Variants in PHIP observed in about 807,000 individuals in gnomAD.
PHIP encodes the protein PH-interacting protein.
In PHIP, 54 loss-of-function variants were observed where a neutral mutation model predicts 236.8. The observed-to-expected ratio is 0.23, with a 90% CI of 0.18 to 0.29. The LOEUF (loss-of-function observed/expected upper bound fraction) is 0.29. PHIP is among the 10% of genes least tolerant of loss of function. The probability of loss-of-function intolerance (pLI) is 1.00; values close to 1 mark genes in which losing one functional copy is unlikely to be tolerated. For missense variants in PHIP, 1,370 were observed against 2,190.8 expected (o/e 0.63, Z 7.48); for synonymous variants, 756 against 718.9 (o/e 1.05, Z -0.83).
chr6:79,075,787 G>C (rs1774127207), intron 4 of PHIP, among the ~76,000 whole-genome samples: 1 of 152,086 alleles, frequency 6.6e-6, no homozygotes, highest in South Asian at 2.1e-4. Context: ...AGGTTTGTGG[G>C]TTTTTAAGAG....
chr6:78,946,025 C>G lies in PHIP; in HGVS notation c.4606G>C (p.Ala1536Pro). The part of the protein sequence containing the change: ...AAKTFITKAN[A>P]SAIPGKTILE... Reference sequence around the variant, plus strand: ...CTTGTTTTCCCTGGTATTGCAGATGCATTAGCTTTTGTAATAAAAGTCTTT... The same window carrying G: ...CTTGTTTTCCCTGGTATTGCAGATGGATTAGCTTTTGTAATAAAAGTCTTT... The change falls in exon 38 of 40, where the codon GCA (alanine) becomes CCA (proline). Residue 1536 changes from alanine to proline, a missense_variant. Physicochemically the swap from Ala to Pro is conservative, Grantham distance 27. This residue lies in a region of PHIP where 309 missense variants were observed against 328.3 expected (regional missense o/e 0.94). Transcript: ENST00000275034. The G allele has an allele frequency of 1.9e-6, 3 of 1,609,662 alleles. No homozygotes were observed. Among genetic ancestry groups the G allele is most frequent in the Non-Finnish European group, 2.6e-6 (3 of 1,175,982 alleles).
intron 36 of PHIP, 146 bp downstream of exon 36, chr6:78,947,477 G>A (rs926045799): frequency 2.2e-5 from 12 of 534,940 alleles, no homozygotes; most frequent in Non-Finnish European, 3.6e-5. Flanking sequence ...GAGTAGAAAG[G>A]TATAATTTCT....
At chr6:78,984,659 C>T (rs1432777782) in intron 22 of PHIP, among the ~76,000 whole-genome samples, 1 of 152,162 alleles carries the variant, frequency 6.6e-6, no homozygotes, top group Non-Finnish European at 1.5e-5. Flanking sequence ...TAACCACACA[C>T]ATTTGCACAT....
chr6:78,998,807 T>C (rs1769799688), intron 17 of PHIP, among the ~76,000 whole-genome samples: 1 of 151,930 alleles, frequency 6.6e-6, no homozygotes, highest in South Asian at 2.1e-4. Flanking sequence ...CCCATTTTCT[T>C]AAAAAAAATG....
At chr6:79,017,629 A>C in intron 10 of PHIP, 46 bp from the exon 11 acceptor site, 1 of 1,312,604 alleles carries the variant, frequency 7.6e-7, no homozygotes, top group Middle Eastern at 1.9e-4. Flanking sequence ...CATAACTTCA[A>C]AATCTCTGAA....
intron 30 of PHIP, 87 bp from the exon 31 acceptor site, chr6:78,961,897 G>T: frequency 9.9e-7 from 1 of 1,014,896 alleles, no homozygotes; most frequent in Non-Finnish European, 1.4e-6. Flanking sequence ...GACTTAAAAA[G>T]TCCTAATCTA....
chr6:79,073,495 A>C (rs1437503374), intron 4 of PHIP, among the ~76,000 whole-genome samples: 1 of 152,194 alleles, frequency 6.6e-6, no homozygotes, highest in Non-Finnish European at 1.5e-5. Flanking sequence ...AAATTATAAT[A>C]ATCAAGTGTT....
chr6:79,011,663 G>A (rs1770583985), intron 15 of PHIP, among the ~76,000 whole-genome samples: 1 of 151,750 alleles, frequency 6.6e-6, no homozygotes, highest in Non-Finnish European at 1.5e-5. Context: ...TAGGAGGAAA[G>A]TTAGCAGTAA....
In PHIP at chr6:78,940,508, AT is replaced by A. The variant is rs1773433349; in HGVS notation, c.*184del. 1 of 157,354 alleles carries A rather than the reference AT, an allele frequency of 6.4e-6. No individual in the cohort carries two copies. The highest frequency in any genetic ancestry group is 2.6e-5 in the African/African-American group (1 of 38,080). 9.7% of individuals were successfully genotyped at this position (157,354 alleles called of 1,614,324 possible). A position where few individuals can be genotyped will look rare whatever the true frequency, so the allele number is the denominator to read the frequency against. ...TATATGTATATATTTATATATATAT[AT>A]ATATATTCATTTAAAGAAGTGAAGT... On this transcript the variant is annotated 3_prime_UTR_variant, in exon 40 of 40. Coordinates refer to ENST00000275034, the MANE Select transcript of PHIP (RefSeq NM_017934.7).
chr6:79,030,908 CA>C (rs1253443664), intron 7 of PHIP, among the ~76,000 whole-genome samples: 2 of 151,864 alleles, frequency 1.3e-5, no homozygotes, highest in Middle Eastern at 3.2e-3. Flanking sequence ...AGTAGTAAAT[CA>C]CTTGTTTCAT....
At chr6:78,972,769 A>G (rs925349672) in intron 24 of PHIP, among the ~76,000 whole-genome samples, 2 of 152,192 alleles carry the variant, frequency 1.3e-5, no homozygotes, top group African/African-American at 2.4e-5. Flanking sequence ...ACTGGAAGAA[A>G]GGGTATCAGC....
At position 78,947,815 on chromosome 6, in the gene PHIP, C is replaced by G. The variant is rs375775755; in HGVS notation, c.4054-40G>C. ...ACAGGTGGTGTTATGATTATTACTA[C>G]ACAAAGCATCACTTCTCAGTGCAGG... On this transcript the variant is annotated intron_variant, in intron 35 of 39. Coordinates refer to ENST00000275034, the MANE Select transcript of PHIP (RefSeq NM_017934.7). The G allele has an allele frequency of 2.9e-5, 40 of 1,400,696 alleles. No homozygotes were observed. In the Middle Eastern group the frequency reaches 5.3e-4, roughly 19 times the overall value. The allele number at this position is 1,400,696 out of a possible 1,614,324, so 86.8% of individuals were successfully genotyped here.
chr6:79,001,023 T>C (rs1769958377), intron 17 of PHIP, among the ~76,000 whole-genome samples: 1 of 152,082 alleles, frequency 6.6e-6, no homozygotes, highest in Non-Finnish European at 1.5e-5. Flanking sequence ...TTTTCTGTGC[T>C]CCTTACAGAA....
intron 35 of PHIP, among the ~76,000 whole-genome samples, chr6:78,948,753 C>A (rs1773971978): frequency 6.6e-6 from 1 of 152,174 alleles, no homozygotes; most frequent in South Asian, 2.1e-4. Context: ...CTTGACCTCC[C>A]AAAGTGCTGG....
chr6:79,021,274 G>A (rs904014214), intron 9 of PHIP, among the ~76,000 whole-genome samples: 1 of 152,194 alleles, frequency 6.6e-6, no homozygotes, highest in Non-Finnish European at 1.5e-5. Flanking sequence ...AGCCTCCCAA[G>A]TAGCTGGGAT....
rs370443893 is a variant in PHIP at position 79,025,512 on chromosome 6, A to C, written c.923+7T>G. 1.1e-5 allele frequency: 17 copies of C among 1,528,732 alleles called. No individual in the cohort carries two copies. The highest frequency in any genetic ancestry group is 1.5e-5 in the Non-Finnish European group (17 of 1,103,210). The allele number at this position is 1,528,732 out of a possible 1,614,324, so 94.7% of individuals were successfully genotyped here. A position where few individuals can be genotyped will look rare whatever the true frequency, so the allele number is the denominator to read the frequency against. ...CATTTAATCTATGAAATAAAATAGA[A>C]ACTGACTTTATTTTAAGGGTTCCAG... On this transcript the variant is annotated splice_region_variant and intron_variant, in intron 9 of 39. Transcript: ENST00000275034.
At chr6:78,986,665 A>G (rs1438534037) in intron 21 of PHIP, among the ~76,000 whole-genome samples, 3 of 152,208 alleles carry the variant, frequency 2.0e-5, no homozygotes, top group African/African-American at 7.2e-5. Flanking sequence ...GATAACTTTT[A>G]AAGAGGACAA....
At chr6:78,996,135 G>C (rs1769600820) in intron 19 of PHIP, among the ~76,000 whole-genome samples, 1 of 152,162 alleles carries the variant, frequency 6.6e-6, no homozygotes, top group Non-Finnish European at 1.5e-5. Flanking sequence ...CTCCAGAGGA[G>C]GAGTAAATTA....
intron 10 of PHIP, 44 bp from the exon 11 acceptor site, chr6:79,017,627 C>G: frequency 1.3e-5 from 17 of 1,359,110 alleles, no homozygotes; most frequent in Non-Finnish European, 1.8e-5. Flanking sequence ...AACATAACTT[C>G]AAAATCTCTG....
Sources: gnomAD v4.1 joint callset for allele counts (sites outside exome capture counted in the v4.1 genomes callset) on GRCh38, gnomAD v4.1.1 for gene constraint, gnomAD v4.1.1 regional missense constraint, MANE v1.5 for transcripts, NCBI Gene and HGNC (gene_info 2026-07-23, HGNC 2026-07-21) for gene names.